Variants in ASMT observed in about 807,000 individuals in gnomAD.
ASMT encodes acetylserotonin O-methyltransferase.
Under a neutral mutation model 41.3 loss-of-function variants are expected in ASMT, and 53 were observed. The observed-to-expected ratio is 1.28, with a 90% CI of 1.03 to 1.61. The LOEUF is 1.61. Among genes scored for constraint, ASMT ranks in the 40% most tolerant of loss-of-function variants. ASMT has a pLI of 0.00. For synonymous variants in ASMT, 231 were observed against 184.8 expected, an observed-to-expected ratio of 1.25 and a Z score of -2.03; for missense variants, 531 against 441.3, an observed-to-expected ratio of 1.20 and a Z score of -1.82.
chrX:1,633,334 T>A, intron 7 of ASMT, 44 bp downstream of exon 7: 2 of 1,612,742 alleles, frequency 1.2e-6, no homozygotes, highest in Non-Finnish European at 1.7e-6. Context: ...TCTCACGGCT[T>A]CTCCAGGGGG....
chrX:1,636,903 G>A lies in ASMT; in HGVS notation c.910+343G>A, dbSNP rs777484177. ...CATCCTGATGGTTCATGAGGATGTG[G>A]GCACAGCCTCTGTGTGTGATGGGGA... On this transcript the variant is annotated intron_variant, in intron 8 of 8. Coordinates refer to ENST00000381241, the MANE Select transcript of ASMT (RefSeq NM_001171038.2). Among the ~76,000 whole-genome samples, 107 of 143,074 alleles carry A rather than the reference G, an allele frequency of 7.5e-4. 2 individuals carry two copies. The highest frequency in any genetic ancestry group is 2.2e-3 in the African/African-American group (86 of 38,902). The allele number at this position is 143,074 out of a possible 152,430, so 93.9% of individuals were successfully genotyped here.
chrX:1,615,329 T>C, intron 1 of ASMT, 61 bp downstream of exon 1: 1 of 1,452,734 alleles, frequency 6.9e-7, no homozygotes. Context: ...TCACGTTCCA[T>C]TGTTGTGTCA....
At chrX:1,619,306 A>G (rs1228642436) in intron 1 of ASMT, among the ~76,000 whole-genome samples, 1 of 151,082 alleles carries the variant, frequency 6.6e-6, no homozygotes, top group Non-Finnish European at 1.5e-5. Flanking sequence ...AGGCACGAGA[A>G]TGGCGTGAAC....
rs756798944 is a variant in ASMT, at chrX:1,632,244, G to T, written c.563-460G>T. 2.6e-5 allele frequency among the ~76,000 whole-genome samples: 4 copies of T among 152,266 alleles called. No homozygotes were observed. In the South Asian group the frequency reaches 8.3e-4, roughly 32 times the overall value. ...GCCGGCTTCAAGAACACACAGTTAA[G>T]TGCGTGGCCATATGGAAGTTTGGAG... On this transcript the variant is annotated intron_variant, in intron 5 of 8. Transcript: ENST00000381241.
Position 1,617,081 on chromosome X carries a change from G to A in ASMT, c.69+1813G>A, listed in dbSNP as rs773588678. Reference sequence around the variant, plus strand: ...CCAGCTACTCAGGAGGCTGAGGCGGGAGGATCGCTTAAGCCTAGGAGATGA... The same window carrying A: ...CCAGCTACTCAGGAGGCTGAGGCGGAAGGATCGCTTAAGCCTAGGAGATGA... On this transcript the variant is annotated intron_variant, in intron 1 of 8. Transcript: ENST00000381241. 1.3e-3 allele frequency among the ~76,000 whole-genome samples: 202 copies of A among 152,222 alleles called. 1 individual carries two copies. Among genetic ancestry groups the A allele is most frequent in the African/African-American group, 4.6e-3 (192 of 41,518 alleles).
At chrX:1,642,011 C>CTA (rs1569388531) in intron 8 of ASMT, among the ~76,000 whole-genome samples, 1 of 146,780 alleles carries the variant, frequency 6.8e-6, no homozygotes, top group South Asian at 2.2e-4. Flanking sequence ...GGCACAGCCT[C>CTA]TGTGTGTAAT....
chrX:1,626,603 T>C (rs1342921304), intron 3 of ASMT, among the ~76,000 whole-genome samples: 1 of 152,110 alleles, frequency 6.6e-6, no homozygotes, highest in Non-Finnish European at 1.5e-5. Flanking sequence ...CCACGTAATA[T>C]AGGGTTAAAT....
chrX:1,627,889 AT>A, intron 4 of ASMT, 118 bp downstream of exon 4: 1 of 990,882 alleles, frequency 1.0e-6, no homozygotes, highest in Non-Finnish European at 1.6e-6. Flanking sequence ...CTGCCATTTA[AT>A]TTAAAATAAC....
At chrX:1,627,644 GAAATGA>G in intron 3 of ASMT, 53 bp from the exon 4 acceptor site, 1 of 774,630 alleles carries the variant, frequency 1.3e-6, no homozygotes, top group Admixed American at 2.5e-5. Context: ...GAAATGAAAT[GAAATGA>G]AATGAAATGA....
intron 4 of ASMT, among the ~76,000 whole-genome samples, chrX:1,628,208 C>G (rs1328152187): frequency 6.6e-6 from 1 of 152,156 alleles, no homozygotes; most frequent in African/African-American, 2.4e-5. Context: ...GTAATCCCAG[C>G]TAGTCGGGAG....
intron 7 of ASMT, 52 bp downstream of exon 7, chrX:1,633,342 G>A (rs1337266405): frequency 6.2e-7 from 1 of 1,610,616 alleles, no homozygotes; most frequent in East Asian, 2.2e-5. Context: ...CTTCTCCAGG[G>A]GGACTGGATG....
intron 6 of ASMT, 57 bp downstream of exon 6, chrX:1,632,844 G>C: frequency 4.0e-6 from 2 of 502,150 alleles, no homozygotes; most frequent in Non-Finnish European, 7.3e-6. Context: ...CACACACTGG[G>C]GCCTGTCAGG....
At chrX:1,616,865 C>G (rs747382531) in intron 1 of ASMT, among the ~76,000 whole-genome samples, 8 of 151,746 alleles carry the variant, frequency 5.3e-5, no homozygotes, top group African/African-American at 1.4e-4. Flanking sequence ...CCCGCCACCA[C>G]GCCCGGCTAA....
chrX:1,631,382 A>G (rs1186224680), intron 5 of ASMT, among the ~76,000 whole-genome samples: 3 of 149,442 alleles, frequency 2.0e-5, no homozygotes, highest in Non-Finnish European at 3.0e-5. Flanking sequence ...CAAATCCCCA[A>G]CCCCGAGCTC....
chrX:1,641,487 CT>C (rs1935160527), intron 8 of ASMT, among the ~76,000 whole-genome samples: 2 of 147,370 alleles, frequency 1.4e-5, no homozygotes, highest in African/African-American at 2.5e-5. Context: ...TCCATCCATC[CT>C]GATGGTTCAT....
rs200150616 is a variant in ASMT, at chrX:1,629,834, C to T, written c.457C>T (p.Arg153Trp). 51 of 1,613,860 alleles carry T rather than the reference C, an allele frequency of 3.2e-5. No homozygotes were observed. In the Admixed American group the frequency reaches 4.0e-4, roughly 13 times the overall value. ...TTTGCATGCCAGGTCCGAGGGCGAG[C>T]GGCTACAGTTCATGCAAGCTCTGCA... Reference protein sequence around the residue: ...FTAIYRSEGERLQFMQALQEV... With the variant: ...FTAIYRSEGEWLQFMQALQEV... The change falls in exon 5 of 9, where the codon CGG becomes TGG. Residue 153 changes from arginine to tryptophan, a missense_variant. By Grantham distance (101) the Arg-to-Trp change is moderately radical. Transcript: ENST00000381241.
intron 8 of ASMT, among the ~76,000 whole-genome samples, chrX:1,637,084 A>ATGGG (rs1569384611): frequency 4.5e-5 from 4 of 88,112 alleles, no homozygotes; most frequent in East Asian, 3.0e-4. Flanking sequence ...TCTGTGTGTG[A>ATGGG]GATAAGGACT....
chrX:1,625,692 T>C (rs759321238), intron 3 of ASMT, among the ~76,000 whole-genome samples: 45 of 151,794 alleles, frequency 3.0e-4, no homozygotes, highest in South Asian at 2.9e-3. Context: ...CAGTAGCCCA[T>C]GCCGGTAATC....
chrX:1,617,574 G>C (rs1433181829), intron 1 of ASMT, among the ~76,000 whole-genome samples: 1 of 151,832 alleles, frequency 6.6e-6, no homozygotes, highest in East Asian at 1.9e-4. Flanking sequence ...AATATCTGTG[G>C]TTTCTCTCCG....
Sources: allele counts gnomAD v4.1 joint callset (sites outside exome capture counted in the v4.1 genomes callset), GRCh38; gene constraint gnomAD v4.1.1; transcripts MANE v1.5; gene names NCBI Gene and HGNC (gene_info 2026-07-23, HGNC 2026-07-21).